The following TSC22D2 variants were observed in gnomAD, a reference collection of about 807,000 sequenced individuals.
The protein encoded by TSC22D2 is TSC22 domain family member 2.
TSC22D2 carries 5 observed loss-of-function variants against 50.1 expected under a neutral mutation model. The ratio of observed to expected loss-of-function variants is 0.10; its 90% CI spans 0.05 to 0.21. TSC22D2 has a LOEUF of 0.21. Ranked by LOEUF, TSC22D2 falls within the 10% of genes least tolerant of loss-of-function variation. TSC22D2 has a pLI of 1.00. For synonymous variants in TSC22D2, 501 were observed against 450.1 expected (o/e 1.11, Z -1.43); for missense variants, 1,003 against 1,015.5 (o/e 0.99, Z 0.17).
chr3:150,458,782 A>G lies in TSC22D2; in HGVS notation c.*146A>G. The G allele has an allele frequency of 9.9e-7, 1 of 1,013,466 alleles. No individual in the cohort carries two copies. The highest frequency in any genetic ancestry group is 1.6e-5 in the African/African-American group (1 of 61,208). The allele number at this position is 1,013,466 out of a possible 1,614,324, so 62.8% of individuals were successfully genotyped here. A position where few individuals can be genotyped will look rare whatever the true frequency, so the allele number is the denominator to read the frequency against. On this transcript the variant is annotated 3_prime_UTR_variant, in exon 3 of 3. Coordinates refer to ENST00000688009, the MANE Select transcript of TSC22D2 (RefSeq NM_001303264.2). ...CAGTATTAGACAATCATTCTACAAG[A>G]GCTTTTCCTCTCTCTGAGATGTCAT...
At chr3:150,428,231 C>G (rs1209768408) in intron 1 of TSC22D2, among the ~76,000 whole-genome samples, 1 of 152,062 alleles carries the variant, frequency 6.6e-6, no homozygotes, top group Non-Finnish European at 1.5e-5. Flanking sequence ...TTCTGCAGTG[C>G]TTACTACAGT....
chr3:150,413,431 A>T (rs555525232), intron 1 of TSC22D2, among the ~76,000 whole-genome samples: 1 of 152,182 alleles, frequency 6.6e-6, no homozygotes, highest in Admixed American at 6.5e-5. Context: ...ACAGTCTTTC[A>T]TTGGTTTTTA....
Position 150,458,389 on chromosome 3 carries a change from G to A in TSC22D2, c.2024G>A (p.Ser675Asn). ...KIEQAMDLVK[S>N]HLMYAVREEV... ...TGTTTTTCACAGGATCTGGTGAAAA[G>A]CCATTTGATGTATGCAGTAAGAGAA... The change falls in exon 3 of 3, where the codon AGC becomes AAC. Residue 675 changes from serine (S) to asparagine (N), a missense_variant. By Grantham distance (46) the Ser-to-Asn change is conservative. This residue lies in a region of TSC22D2 where 17 missense variants were observed against 57.7 expected (regional missense o/e 0.29). Coordinates refer to ENST00000688009, the MANE Select transcript of TSC22D2 (RefSeq NM_001303264.2). The A allele has an allele frequency of 6.2e-7, 1 of 1,612,874 alleles. No homozygotes were observed. The highest frequency in any genetic ancestry group is 8.5e-7 in the Non-Finnish European group (1 of 1,179,436).
intron 1 of TSC22D2, among the ~76,000 whole-genome samples, chr3:150,446,723 C>T (rs763678511): frequency 5.3e-5 from 8 of 152,060 alleles, no homozygotes; most frequent in Admixed American, 3.9e-4. Flanking sequence ...TTTAAAAACC[C>T]CATGATATTC....
intron 1 of TSC22D2, among the ~76,000 whole-genome samples, chr3:150,435,841 A>G (rs1400855134): frequency 6.6e-6 from 1 of 152,198 alleles, no homozygotes; most frequent in Admixed American, 6.5e-5. Flanking sequence ...AATGATAAAT[A>G]ACTGTAGGGA....
chr3:150,444,369 T>C (rs1338438596), intron 1 of TSC22D2, among the ~76,000 whole-genome samples: 1 of 152,212 alleles, frequency 6.6e-6, no homozygotes, highest in Non-Finnish European at 1.5e-5. Context: ...GTAATATGTT[T>C]ACTATCAATT....
chr3:150,436,295 T>C (rs757846682), intron 1 of TSC22D2, among the ~76,000 whole-genome samples: 55 of 152,134 alleles, frequency 3.6e-4, no homozygotes, highest in Admixed American at 2.6e-4. Flanking sequence ...TAATTGTATC[T>C]TCCAAAAAGA....
At chr3:150,427,489 T>G (rs1361306148) in intron 1 of TSC22D2, among the ~76,000 whole-genome samples, 2 of 152,146 alleles carry the variant, frequency 1.3e-5, no homozygotes, top group Non-Finnish European at 2.9e-5. Flanking sequence ...GACTATATAA[T>G]TTTAAAGAAT....
intron 1 of TSC22D2, 55 bp downstream of exon 1, chr3:150,411,363 C>T: frequency 6.7e-7 from 1 of 1,492,356 alleles, no homozygotes; most frequent in Non-Finnish European, 8.9e-7. Context: ...AACATTGTAG[C>T]TTAGGATGCA....
intron 1 of TSC22D2, among the ~76,000 whole-genome samples, chr3:150,418,487 C>T (rs1453097088): frequency 6.6e-6 from 1 of 152,006 alleles, no homozygotes. Context: ...TCTGCTACCT[C>T]TGTCCTCCAG....
At chr3:150,437,118 T>A (rs1720570848) in intron 1 of TSC22D2, among the ~76,000 whole-genome samples, 1 of 152,176 alleles carries the variant, frequency 6.6e-6, no homozygotes, top group Non-Finnish European at 1.5e-5. Context: ...ACTAAAAATA[T>A]AAATGTACAT....
At chr3:150,426,197 C>T (rs1720181176) in intron 1 of TSC22D2, among the ~76,000 whole-genome samples, 1 of 152,176 alleles carries the variant, frequency 6.6e-6, no homozygotes, top group Non-Finnish European at 1.5e-5. Flanking sequence ...TGAGTTGACT[C>T]TTTATTAAAA....
intron 1 of TSC22D2, among the ~76,000 whole-genome samples, chr3:150,431,126 G>A (rs1470628055): frequency 6.8e-6 from 1 of 147,680 alleles, no homozygotes; most frequent in Non-Finnish European, 1.5e-5. Context: ...TCGGGAGGCT[G>A]AGGCAAGAGA....
At chr3:150,418,991 C>T (rs1444754647) in intron 1 of TSC22D2, among the ~76,000 whole-genome samples, 1 of 151,944 alleles carries the variant, frequency 6.6e-6, no homozygotes, top group Non-Finnish European at 1.5e-5. Context: ...TTCTGTTTCC[C>T]TCAATATTAC....
chr3:150,441,694 C>A (rs961397953), intron 1 of TSC22D2, among the ~76,000 whole-genome samples: 2 of 152,038 alleles, frequency 1.3e-5, no homozygotes, highest in Non-Finnish European at 2.9e-5. Flanking sequence ...GTCAAGGGTG[C>A]AGTGAGCCAT....
At chr3:150,421,117 G>A (rs1165154464) in intron 1 of TSC22D2, among the ~76,000 whole-genome samples, 1 of 152,136 alleles carries the variant, frequency 6.6e-6, no homozygotes, top group Admixed American at 6.5e-5. Flanking sequence ...TTCTTTTAAA[G>A]AATATCATCC....
At chr3:150,428,366 T>TA (rs1720265031) in intron 1 of TSC22D2, among the ~76,000 whole-genome samples, 1 of 152,066 alleles carries the variant, frequency 6.6e-6, no homozygotes, top group Non-Finnish European at 1.5e-5. Flanking sequence ...CACTGGTACT[T>TA]AGAGGATGAA....
Position 150,409,767 on chromosome 3 carries a change from C to A in TSC22D2, c.417C>A (p.Leu139=). 6.2e-7 allele frequency: 1 copy of A among 1,602,090 alleles called. No homozygotes were observed. The highest frequency in any genetic ancestry group is 8.5e-7 in the Non-Finnish European group (1 of 1,179,072). The stretch of plus-strand genomic sequence containing the variant: ...CCGGAGCACCCGGCGGCCCCCAGCT[C>A]GCGGGCTCATCCGCCGGGCCAGTGA... ...PAPGAPGGPQ[L]AGSSAGPVTA... The change falls in exon 1 of 3, where the codon CTC becomes CTA. Residue 139 remains leucine (L), a synonymous_variant. Coordinates refer to ENST00000688009, the MANE Select transcript of TSC22D2 (RefSeq NM_001303264.2). The surrounding 1 kb of genome is among the most constrained non-coding windows in gnomAD (Gnocchi z 7.4).
In TSC22D2 at chr3:150,410,274, C is replaced by T. The variant is rs761274869; in HGVS notation, c.924C>T (p.Ala308=). 6.4e-7 allele frequency: 1 copy of T among 1,556,402 alleles called. No individual in the cohort carries two copies. Among genetic ancestry groups the T allele is most frequent in the Non-Finnish European group, 8.7e-7 (1 of 1,151,564 alleles). ...AATGPQPMMA[A]AQPSQPQGAG... Reference sequence around the variant, plus strand: ...CCGGGCCGCAGCCAATGATGGCAGCCGCGCAGCCCAGCCAGCCCCAGGGAG... The same window carrying T: ...CCGGGCCGCAGCCAATGATGGCAGCTGCGCAGCCCAGCCAGCCCCAGGGAG... Residue 308 remains alanine (A), a synonymous_variant, in exon 1 of 3, where the codon GCC becomes GCT. Transcript: ENST00000688009.
Sources: allele counts gnomAD v4.1 joint callset (sites outside exome capture counted in the v4.1 genomes callset), GRCh38; gene constraint gnomAD v4.1.1; regional missense constraint gnomAD v4.1.1; non-coding constraint Gnocchi (gnomAD v3.1); transcripts MANE v1.5; gene names NCBI Gene and HGNC (gene_info 2026-07-23, HGNC 2026-07-21).